Variants in NLGN4X observed in about 807,000 individuals in gnomAD.
NLGN4X encodes the protein neuroligin-4, X-linked.
In NLGN4X, 3 loss-of-function variants were observed where a neutral mutation model predicts 40.3. The observed-to-expected ratio is 0.07, with a 90% CI of 0.03 to 0.19. The LOEUF is 0.19. Ranked by LOEUF, NLGN4X falls within the 10% of genes least tolerant of loss-of-function variation. NLGN4X has a pLI of 1.00. For missense variants in NLGN4X, 382 were observed against 708.3 expected, an observed-to-expected ratio of 0.54 and a Z score of 5.23; for synonymous variants, 270 against 306.8, an observed-to-expected ratio of 0.88 and a Z score of 1.25.
chrX:6,151,198 G>C lies in NLGN4X; in HGVS notation c.269C>G (p.Pro90Arg). ...AGTCCAGGAGGACGGGGGTTCTGGGGGCTGAAACCGCCTCTCTCCAGTGGG... is the reference window on the plus strand; with the variant it reads ...AGTCCAGGAGGACGGGGGTTCTGGGCGCTGAAACCGCCTCTCTCCAGTGGG... ...SPPTGERRFQ[P>R]PEPPSSWTGI... is the part of the protein sequence containing the mutation. The change falls in exon 2 of 6, where the codon CCC becomes CGC. Residue 90 changes from proline to arginine, a missense_variant. This residue lies in a region of NLGN4X where 115 missense variants were observed against 149.6 expected (regional missense o/e 0.77). Transcript: ENST00000381095. 6.6e-6 allele frequency: 8 copies of C among 1,211,411 alleles called. No individual in the cohort carries two copies. Among genetic ancestry groups the C allele is most frequent in the Non-Finnish European group, 8.9e-6 (8 of 895,282 alleles).
At chrX:6,190,291 A>G (rs1922431718) in intron 1 of NLGN4X, among the ~76,000 whole-genome samples, 1 of 112,198 alleles carries the variant, frequency 8.9e-6, no homozygotes, top group African/African-American at 3.2e-5. Context: ...CTGAAGTTTT[A>G]TTCTGTAAAG....
At chrX:5,967,692 T>C (rs2034875046) in intron 3 of NLGN4X, among the ~76,000 whole-genome samples, 2 of 111,560 alleles carry the variant, frequency 1.8e-5, no homozygotes, top group Non-Finnish European at 3.8e-5. Context: ...CATGCCGGGA[T>C]GATGTGCACG....
chrX:5,998,181 G>A (rs757454367), intron 3 of NLGN4X, among the ~76,000 whole-genome samples: 9 of 110,564 alleles, frequency 8.1e-5, no homozygotes, highest in Non-Finnish European at 1.5e-4. Flanking sequence ...AGGCCGAGGC[G>A]GGTGGATCAC....
At chrX:6,088,097 C>T (rs1312256446) in intron 2 of NLGN4X, among the ~76,000 whole-genome samples, 2 of 112,545 alleles carry the variant, frequency 1.8e-5, no homozygotes, top group Admixed American at 1.9e-4. Context: ...TTTTGCAAAT[C>T]CACAAAAGGG....
intron 2 of NLGN4X, among the ~76,000 whole-genome samples, chrX:6,081,036 C>A (rs769043161): frequency 4.2e-4 from 46 of 109,991 alleles, no homozygotes; most frequent in African/African-American, 1.5e-3. Context: ...CACCTGTAAT[C>A]CCAGCACTTT....
At chrX:5,925,879 C>CATATAT (rs2033268045) in intron 3 of NLGN4X, among the ~76,000 whole-genome samples, 41 of 46,756 alleles carry the variant, frequency 8.8e-4, no homozygotes, top group East Asian at 3.0e-3. Context: ...TATACATACA[C>CATATAT]ACATATATAT....
chrX:5,920,060 T>C (rs1007730675), intron 3 of NLGN4X, among the ~76,000 whole-genome samples: 35 of 111,884 alleles, frequency 3.1e-4, no homozygotes, highest in African/African-American at 6.5e-4. Context: ...TTTGCTCCTA[T>C]GTTTTCTTCT....
At chrX:6,174,982 T>C (rs2040692326) in intron 1 of NLGN4X, among the ~76,000 whole-genome samples, 1 of 112,027 alleles carries the variant, frequency 8.9e-6, no homozygotes, top group African/African-American at 3.2e-5. Flanking sequence ...TGTATCTTTG[T>C]GTCCTCATTC....
chrX:5,991,855 A>C (rs1602020541), intron 3 of NLGN4X, among the ~76,000 whole-genome samples: 1 of 112,170 alleles, frequency 8.9e-6, no homozygotes, highest in South Asian at 3.7e-4. Flanking sequence ...ATAGTGTCAC[A>C]ATCTAATTCC....
chrX:5,973,778 G>T (rs1267410331), intron 3 of NLGN4X, among the ~76,000 whole-genome samples: 1 of 110,588 alleles, frequency 9.0e-6, no homozygotes, highest in Non-Finnish European at 1.9e-5. Flanking sequence ...AGCCGAGATC[G>T]TGCCACTGCA....
At chrX:6,092,574 A>C (rs2038667651) in intron 2 of NLGN4X, among the ~76,000 whole-genome samples, 1 of 112,506 alleles carries the variant, frequency 8.9e-6, no homozygotes, top group Admixed American at 9.4e-5. Context: ...GTCAAAGATC[A>C]CTAAGCCCAT....
intron 3 of NLGN4X, among the ~76,000 whole-genome samples, chrX:5,979,265 T>C (rs2035302414): frequency 9.0e-6 from 1 of 111,663 alleles, no homozygotes; most frequent in African/African-American, 3.3e-5. Flanking sequence ...CAACAGTTCA[T>C]TCATTTTTAC....
intron 1 of NLGN4X, among the ~76,000 whole-genome samples, chrX:6,224,330 T>C (rs763795798): frequency 8.9e-6 from 1 of 111,982 alleles, no homozygotes; most frequent in African/African-American, 3.2e-5. Context: ...TTGAGAACCT[T>C]TTGGTTGTGG....
Position 5,969,706 on chromosome X carries a change from T to C in NLGN4X, c.625+59574A>G, listed in dbSNP as rs10081940. On this transcript the variant is annotated intron_variant, in intron 3 of 5. Transcript: ENST00000381095. ...CCCAAAGGATTATAAATCATGCTGC[T>C]ATAAAGACACATGCACACGTATGTT... 9.0e-3 allele frequency among the ~76,000 whole-genome samples: 1,001 copies of C among 110,819 alleles called. 10 individuals are homozygous for C. The highest frequency in any genetic ancestry group is 0.032 in the African/African-American group (966 of 30,453).
intron 1 of NLGN4X, among the ~76,000 whole-genome samples, chrX:6,187,941 A>T (rs1177234171): frequency 1.8e-5 from 2 of 112,674 alleles, no homozygotes; most frequent in African/African-American, 3.2e-5. Flanking sequence ...GTTACATTTT[A>T]AAAAAATTAA....
intron 3 of NLGN4X, among the ~76,000 whole-genome samples, chrX:6,003,855 C>T (rs1032586590): frequency 6.3e-5 from 7 of 111,472 alleles, no homozygotes; most frequent in Non-Finnish European, 1.1e-4. Context: ...TCAGGGGTTG[C>T]GGGCTACCCT....
At chrX:6,056,457 T>C (rs781221130) in intron 2 of NLGN4X, among the ~76,000 whole-genome samples, 37 of 108,207 alleles carry the variant, frequency 3.4e-4, no homozygotes, top group Admixed American at 3.4e-3. Flanking sequence ...GCCAGGGTGA[T>C]AGAGGGAGAT....
chrX:6,121,883 A>G (rs1282116360), intron 2 of NLGN4X, among the ~76,000 whole-genome samples: 1 of 112,609 alleles, frequency 8.9e-6, no homozygotes, highest in African/African-American at 3.2e-5. Context: ...GGGCGGATCA[A>G]TGCTTTTCTC....
At chrX:5,930,785 T>C (rs1302570636) in intron 3 of NLGN4X, among the ~76,000 whole-genome samples, 1 of 112,267 alleles carries the variant, frequency 8.9e-6, no homozygotes, top group African/African-American at 3.2e-5. Flanking sequence ...AAGAGAAATA[T>C]CTACCAGGTG....
Sources: allele counts gnomAD v4.1 joint callset (sites outside exome capture counted in the v4.1 genomes callset), GRCh38; gene constraint gnomAD v4.1.1; regional missense constraint gnomAD v4.1.1; transcripts MANE v1.5; gene names NCBI Gene and HGNC (gene_info 2026-07-23, HGNC 2026-07-21).